THSD4: variants seen among roughly 807,000 people sequenced by gnomAD.
THSD4 encodes thrombospondin type 1 domain containing 4, also known as thrombospondin type-1 domain-containing protein 4.
Under a neutral mutation model 119.0 loss-of-function variants are expected in THSD4, and 69 were observed. That is an observed-to-expected ratio of 0.58 (90% confidence interval 0.48 to 0.71). THSD4 has a LOEUF of 0.71. Among genes scored for constraint, THSD4 ranks in the 30% least tolerant of loss-of-function variants. The pLI is 0.00. For missense variants in THSD4, 1,393 were observed against 1,391.1 expected (o/e 1.00, Z -0.02); for synonymous variants, 524 against 540.4 (o/e 0.97, Z 0.42).
At chr15:71,216,125 CAG>C (rs2043930602) in intron 4 of THSD4, among the ~76,000 whole-genome samples, 1 of 152,222 alleles carries the variant, frequency 6.6e-6, no homozygotes, top group Non-Finnish European at 1.5e-5. Context: ...ATTCATCCGG[CAG>C]TATTTGTTGG....
At chr15:71,298,584 G>C (rs1344363785) in intron 6 of THSD4, among the ~76,000 whole-genome samples, 1 of 149,148 alleles carries the variant, frequency 6.7e-6, no homozygotes, top group East Asian at 2.0e-4. Context: ...GTGAGACTGA[G>C]ACTGACCCCT....
intron 7 of THSD4, among the ~76,000 whole-genome samples, chr15:71,458,785 G>A (rs1036811312): frequency 3.3e-5 from 5 of 152,212 alleles, no homozygotes; most frequent in African/African-American, 1.2e-4. Flanking sequence ...GAGAAAGCAT[G>A]GAAGACATTT....
At chr15:71,233,036 G>A (rs1209144305) in intron 4 of THSD4, among the ~76,000 whole-genome samples, 2 of 152,208 alleles carry the variant, frequency 1.3e-5, no homozygotes, top group African/African-American at 4.8e-5. Flanking sequence ...CACAGGCTAT[G>A]AGATTCAAGC....
intron 4 of THSD4, among the ~76,000 whole-genome samples, chr15:71,235,858 T>C (rs2044100846): frequency 6.6e-6 from 1 of 152,110 alleles, no homozygotes; most frequent in South Asian, 2.1e-4. Flanking sequence ...CCGAAAGTGC[T>C]GGGATTACGG....
intron 2 of THSD4, among the ~76,000 whole-genome samples, chr15:71,152,198 G>A (rs1312606149): frequency 1.3e-5 from 2 of 152,052 alleles, no homozygotes; most frequent in South Asian, 2.1e-4. Flanking sequence ...TGAAGTGGGC[G>A]GATCACCTGA....
At chr15:71,293,190 G>T (rs2044816859) in intron 6 of THSD4, among the ~76,000 whole-genome samples, 1 of 152,168 alleles carries the variant, frequency 6.6e-6, no homozygotes, top group South Asian at 2.1e-4. Context: ...TGCATAGGTG[G>T]GGTAGTTGGT....
At chr15:71,160,683 C>T (rs1467757461) in intron 3 of THSD4, among the ~76,000 whole-genome samples, 2 of 151,146 alleles carry the variant, frequency 1.3e-5, no homozygotes, top group Admixed American at 6.6e-5. Context: ...TTATTTGAGT[C>T]TTTTCTCTTT....
At chr15:71,714,965 T>C (rs1595884942) in intron 8 of THSD4, among the ~76,000 whole-genome samples, 1 of 152,222 alleles carries the variant, frequency 6.6e-6, no homozygotes, top group Admixed American at 6.5e-5. Flanking sequence ...CCTGTTCAAC[T>C]AGTGAGTGGG....
intron 7 of THSD4, among the ~76,000 whole-genome samples, chr15:71,481,020 C>T (rs1387925358): frequency 1.3e-5 from 2 of 152,084 alleles, no homozygotes; most frequent in African/African-American, 4.8e-5. Flanking sequence ...ATGCCTGTGA[C>T]CAGACCACCC....
At chr15:71,595,654 A>G (rs946372984) in intron 7 of THSD4, among the ~76,000 whole-genome samples, 4 of 152,184 alleles carry the variant, frequency 2.6e-5, no homozygotes, top group African/African-American at 9.7e-5. Context: ...ACATGTGTGT[A>G]TGCAAGTCCA....
chr15:71,439,254 A>G (rs1421058163), intron 7 of THSD4, among the ~76,000 whole-genome samples: 1 of 152,208 alleles, frequency 6.6e-6, no homozygotes, highest in African/African-American at 2.4e-5. Context: ...AATTTTTTAA[A>G]GTTTATCAAT....
At chr15:71,131,699 C>G (rs2040505860) in intron 1 of THSD4, among the ~76,000 whole-genome samples, 1 of 152,164 alleles carries the variant, frequency 6.6e-6, no homozygotes, top group African/African-American at 2.4e-5. Context: ...CTCCTGGGAA[C>G]AGAGATAGAC....
chr15:71,332,891 C>CTTTTTTTTTTTTTTTT (rs1184457820), intron 6 of THSD4, among the ~76,000 whole-genome samples: 1,166 of 37,804 alleles, frequency 0.031, 114 homozygotes, highest in Middle Eastern at 0.079. Context: ...GATTTTTTTA[C>CTTTTTTTTTTTTTTTT]ATTTTTTTTT....
intron 4 of THSD4, among the ~76,000 whole-genome samples, chr15:71,237,887 C>A (rs2044118391): frequency 6.6e-6 from 1 of 152,196 alleles, no homozygotes; most frequent in Non-Finnish European, 1.5e-5. Context: ...CCCTGGATGG[C>A]AGCCAGCCTG....
chr15:71,163,347 A>G (rs1260677209), intron 3 of THSD4, among the ~76,000 whole-genome samples: 1 of 152,046 alleles, frequency 6.6e-6, no homozygotes, highest in Non-Finnish European at 1.5e-5. Context: ...AAACAAATGC[A>G]AATGGAAAGA....
intron 6 of THSD4, among the ~76,000 whole-genome samples, chr15:71,279,760 T>C (rs2044630407): frequency 7.2e-6 from 1 of 138,918 alleles, no homozygotes; most frequent in Admixed American, 7.4e-5. Flanking sequence ...TCACACAGAA[T>C]GGAAAGGTGT....
chr15:71,765,091 T>C lies in THSD4; in HGVS notation c.2661T>C (p.Phe887=), dbSNP rs371437278. Reference sequence around the variant, plus strand: ...GTGTTAGAAAGAATGCAGACACCTTTGAAGTGTTGGACCCCTCTGAATGTT... The same window carrying C: ...GTGTTAGAAAGAATGCAGACACCTTCGAAGTGTTGGACCCCTCTGAATGTT... The part of the protein sequence containing the change: ...VICVRKNADT[F]EVLDPSECSF... The change falls in exon 16 of 18, where the codon TTT becomes TTC. Residue 887 remains phenylalanine (F), a synonymous_variant. Coordinates refer to ENST00000261862, the MANE Select transcript of THSD4 (RefSeq NM_024817.3). 1.6e-4 allele frequency: 251 copies of C among 1,614,234 alleles called. No individual in the cohort carries two copies. The African/African-American group carries it at 2.7e-3, about 17-fold the overall frequency.
chr15:71,584,473 TG>T (rs34807823), intron 7 of THSD4, among the ~76,000 whole-genome samples: 49,661 of 151,402 alleles, frequency 0.33, 8,639 homozygotes, highest in South Asian at 0.39. Context: ...TTTGCCACAT[TG>T]GCCAGGCTGG....
chr15:71,171,509 T>C (rs1001370535), intron 3 of THSD4, among the ~76,000 whole-genome samples: 1 of 152,130 alleles, frequency 6.6e-6, no homozygotes, highest in Admixed American at 6.5e-5. Flanking sequence ...CCCATAAGAA[T>C]TGTTGAAGGA....
Sources: allele counts gnomAD v4.1 joint callset (sites outside exome capture counted in the v4.1 genomes callset), GRCh38; gene constraint gnomAD v4.1.1; transcripts MANE v1.5; gene names NCBI Gene and HGNC (gene_info 2026-07-23, HGNC 2026-07-21).